The following DOCK11 variants were observed in gnomAD, a reference collection of about 807,000 sequenced individuals.
DOCK11 encodes the protein dedicator of cytokinesis 11.
DOCK11 carries 70 observed loss-of-function variants against 169.1 expected under a neutral mutation model. That is an observed-to-expected ratio of 0.41 (90% CI 0.34 to 0.51). The LOEUF (loss-of-function observed/expected upper bound fraction) is 0.51. Ranked by LOEUF, DOCK11 falls within the 20% of genes least tolerant of loss-of-function variation. DOCK11 has a pLI of 0.10. For missense variants in DOCK11, 1,166 were observed against 1,538.8 expected (o/e 0.76, Z 4.05); for synonymous variants, 529 against 541.3 (o/e 0.98, Z 0.32).
At position 118,630,410 on chromosome X, in the gene DOCK11, C is replaced by T; in HGVS notation, c.3806C>T (p.Ser1269Phe). 8.3e-7 allele frequency: 1 copy of T among 1,207,785 alleles called. No homozygotes were observed. Among genetic ancestry groups the T allele is most frequent in the Non-Finnish European group, 1.1e-6 (1 of 892,901 alleles). Residue 1269 changes from serine (S) to phenylalanine (F), a missense_variant, in exon 35 of 53, where the codon TCC (serine) becomes TTC (phenylalanine). Coordinates refer to ENST00000276202, the MANE Select transcript of DOCK11 (RefSeq NM_144658.4). ...CAGAGTTCTACAAGGAGTAGTGTAT[C>T]CCAGTATAACCGCCTGGATCAGTAT... ...TRQSSTRSSV[S>F]QYNRLDQYEI...
At chrX:118,582,002 C>T (rs1157434699) in intron 14 of DOCK11, among the ~76,000 whole-genome samples, 4 of 108,217 alleles carry the variant, frequency 3.7e-5, no homozygotes, top group Non-Finnish European at 7.6e-5. Context: ...TGATGGCAGG[C>T]GCCTGTAATC....
At chrX:118,671,925 G>C (rs965322643) in intron 46 of DOCK11, among the ~76,000 whole-genome samples, 4 of 112,387 alleles carry the variant, frequency 3.6e-5, no homozygotes, top group African/African-American at 1.3e-4. Flanking sequence ...GTGATCCTCC[G>C]GCCTTAGCTT....
At chrX:118,583,968 C>T (rs1027148353) in intron 14 of DOCK11, among the ~76,000 whole-genome samples, 12 of 111,408 alleles carry the variant, frequency 1.1e-4, no homozygotes, top group East Asian at 2.8e-4. Flanking sequence ...TTTGAATCCA[C>T]GGATGCGGAG....
At chrX:118,655,462 A>G (rs1476517171) in intron 44 of DOCK11, among the ~76,000 whole-genome samples, 1 of 111,747 alleles carries the variant, frequency 8.9e-6, no homozygotes, top group Non-Finnish European at 1.9e-5. Flanking sequence ...TTTCCCCGTC[A>G]TGTGTCTTAA....
At chrX:118,563,850 C>T (rs1157593719) in intron 7 of DOCK11, among the ~76,000 whole-genome samples, 3 of 109,438 alleles carry the variant, frequency 2.7e-5, no homozygotes, top group African/African-American at 3.3e-5. Flanking sequence ...TAGAGGCACC[C>T]GCCACCATGC....
chrX:118,555,631 C>T (rs756746678), intron 6 of DOCK11, among the ~76,000 whole-genome samples: 12 of 110,601 alleles, frequency 1.1e-4, no homozygotes, highest in African/African-American at 3.3e-4. Context: ...AGTGATATAT[C>T]AGGTTGCCAA....
At chrX:118,662,249 C>T (rs764812083) in intron 44 of DOCK11, among the ~76,000 whole-genome samples, 2 of 111,848 alleles carry the variant, frequency 1.8e-5, no homozygotes, top group East Asian at 5.6e-4. Context: ...CCTTCTCCAA[C>T]ATCTCACTTC....
At chrX:118,636,828 TACACACACAC>T (rs765702693) in intron 36 of DOCK11, among the ~76,000 whole-genome samples, 10 of 100,533 alleles carry the variant, frequency 9.9e-5, no homozygotes, top group Non-Finnish European at 1.8e-4. Flanking sequence ...TATTTGTGTG[TACACACACAC>T]ACACACACAC....
intron 1 of DOCK11, among the ~76,000 whole-genome samples, chrX:118,515,995 A>C (rs2057680054): frequency 1.2e-5 from 1 of 85,147 alleles, no homozygotes; most frequent in African/African-American, 4.7e-5. Flanking sequence ...AAAAGTAAGG[A>C]TTTGGGCAAA....
At chrX:118,603,272 C>G (rs1041586469) in intron 23 of DOCK11, among the ~76,000 whole-genome samples, 3 of 112,651 alleles carry the variant, frequency 2.7e-5, no homozygotes, top group Admixed American at 9.3e-5. Context: ...ACAGGTTTGG[C>G]GGGACAGGCC....
intron 31 of DOCK11, among the ~76,000 whole-genome samples, chrX:118,623,946 C>T (rs1242942907): frequency 1.8e-5 from 2 of 112,350 alleles, no homozygotes; most frequent in Non-Finnish European, 3.8e-5. Context: ...AATTAAGAGC[C>T]CTGGTGGCCA....
At chrX:118,584,197 C>A (rs1413586499) in intron 14 of DOCK11, among the ~76,000 whole-genome samples, 1 of 112,184 alleles carries the variant, frequency 8.9e-6, no homozygotes, top group Middle Eastern at 4.2e-3. Context: ...TCCTCATGTC[C>A]CTTGTCCATT....
At chrX:118,511,105 T>C (rs1452336298) in intron 1 of DOCK11, among the ~76,000 whole-genome samples, 1 of 112,284 alleles carries the variant, frequency 8.9e-6, no homozygotes, top group Non-Finnish European at 1.9e-5. Context: ...ATTTCCTATT[T>C]TTACCTTGGT....
At chrX:118,647,738 A>ATATAATATATAATAATATATAATATAT (rs1569440573) in intron 40 of DOCK11, among the ~76,000 whole-genome samples, 60 of 49,425 alleles carry the variant, frequency 1.2e-3, no homozygotes, top group Admixed American at 7.5e-3. Flanking sequence ...ATATAATATA[A>ATATAATATATAATAATATATAATATAT]TATAATATAT....
At position 118,495,995 on chromosome X, in the gene DOCK11, C is replaced by T. The variant is rs779717069; in HGVS notation, c.24C>T (p.Thr8=). 4.2e-5 allele frequency: 46 copies of T among 1,093,055 alleles called. No homozygotes were observed. The highest frequency in any genetic ancestry group is 2.7e-4 in the Middle Eastern group (1 of 3,643). 90.1% of individuals were successfully genotyped at this position (1,093,055 alleles called of 1,213,427 possible). A position where few individuals can be genotyped will look rare whatever the true frequency, so the allele number is the denominator to read the frequency against. ...CCATGGCCGAAGTGCGCAAATTCAC[C>T]AAACGGCTCAGCAAGCCTGGCACGG... The part of the protein sequence containing the change: MAEVRKF[T]KRLSKPGTAA... The change falls in exon 1 of 53, where the codon ACC becomes ACT. Residue 8 remains threonine, a synonymous_variant. Transcript: ENST00000276202.
At chrX:118,625,746 TTC>T (rs1248770944) in intron 32 of DOCK11, among the ~76,000 whole-genome samples, 1 of 112,012 alleles carries the variant, frequency 8.9e-6, no homozygotes, top group Non-Finnish European at 1.9e-5. Flanking sequence ...CCTTCAGCAC[TTC>T]TTGGTGAGAC....
intron 45 of DOCK11, 151 bp downstream of exon 45, chrX:118,662,943 C>G (rs1353311288): frequency 2.3e-6 from 1 of 429,499 alleles, no homozygotes; most frequent in African/African-American, 2.5e-5. Flanking sequence ...CAAAGATGTT[C>G]CTGTTTAGAG....
intron 7 of DOCK11, among the ~76,000 whole-genome samples, chrX:118,562,180 G>C (rs1434630191): frequency 3.7e-5 from 4 of 108,410 alleles, no homozygotes; most frequent in Non-Finnish European, 7.7e-5. Flanking sequence ...AAAAAAAAAG[G>C]AAAGAAAATG....
intron 40 of DOCK11, among the ~76,000 whole-genome samples, chrX:118,648,221 AATAAT>A (rs1320994879): frequency 1.3e-4 from 11 of 84,947 alleles, no homozygotes; most frequent in Non-Finnish European, 2.2e-5. Context: ...AATATTATAT[AATAAT>A]ATAATATATA....
Sources: gnomAD v4.1 joint callset for allele counts (sites outside exome capture counted in the v4.1 genomes callset) on GRCh38, gnomAD v4.1.1 for gene constraint, MANE v1.5 for transcripts, NCBI Gene and HGNC (gene_info 2026-07-23, HGNC 2026-07-21) for gene names.